Variants in DMD observed in about 807,000 individuals in gnomAD.
DMD encodes the protein dystrophin.
DMD carries 63 observed loss-of-function variants against 330.1 expected under a neutral mutation model. That is an observed-to-expected ratio of 0.19 (90% CI 0.16 to 0.24). The LOEUF (loss-of-function observed/expected upper bound fraction) is 0.24. Ranked by LOEUF, DMD falls within the 10% of genes least tolerant of loss-of-function variation. DMD has a pLI of 1.00. For missense variants in DMD, 3,344 were observed against 2,684.1 expected (o/e 1.25, Z -5.43); for synonymous variants, 1,223 against 959.8 (o/e 1.27, Z -5.07).
At chrX:32,444,135 G>A (rs369176209) in intron 27 of DMD, among the ~76,000 whole-genome samples, 7 of 110,635 alleles carry the variant, frequency 6.3e-5, no homozygotes, top group African/African-American at 2.3e-4. Flanking sequence ...CCAGGGAAAT[G>A]GGAAAGAATG....
At chrX:32,523,835 T>C (rs2046669544) in intron 17 of DMD, among the ~76,000 whole-genome samples, 1 of 111,827 alleles carries the variant, frequency 8.9e-6, no homozygotes, top group Admixed American at 9.5e-5. Flanking sequence ...CATGTTGATG[T>C]AACTGTTATA....
chrX:32,863,782 C>T (rs1479582994), intron 2 of DMD, among the ~76,000 whole-genome samples: 1 of 111,367 alleles, frequency 9.0e-6, no homozygotes, highest in South Asian at 3.7e-4. Flanking sequence ...TCTCAATTAC[C>T]CTACGGTGCA....
At chrX:31,786,538 C>T (rs779708050) in intron 50 of DMD, among the ~76,000 whole-genome samples, 3 of 111,196 alleles carry the variant, frequency 2.7e-5, no homozygotes, top group Non-Finnish European at 3.8e-5. Context: ...ATCCTCATTG[C>T]AATATTTGTG....
intron 55 of DMD, among the ~76,000 whole-genome samples, chrX:31,545,783 C>T (rs1256433465): frequency 2.7e-5 from 3 of 111,660 alleles, no homozygotes; most frequent in Non-Finnish European, 5.6e-5. Context: ...AGGAGCTGGA[C>T]CCTCCACTAG....
intron 10 of DMD, 112 bp from the exon 11 acceptor site, chrX:32,644,425 C>A: frequency 1.2e-6 from 1 of 802,325 alleles, no homozygotes; most frequent in African/African-American, 2.1e-5. Flanking sequence ...ATTTATATTC[C>A]CAGTAAAAGG....
chrX:32,796,332 G>A (rs548748933), intron 7 of DMD, among the ~76,000 whole-genome samples: 8 of 111,436 alleles, frequency 7.2e-5, no homozygotes, highest in African/African-American at 2.6e-4. Context: ...GAATGAAACT[G>A]CAGGTTATTA....
chrX:32,407,286 G>T lies in DMD; in HGVS notation c.4233+4466C>A, dbSNP rs775293050. The stretch of plus-strand genomic sequence containing the variant: ...ACTCAAACAAATGTACAAGAAAAAA[G>T]CAAACAACCCCATCAACAAGTGGGT... On this transcript the variant is annotated intron_variant, in intron 30 of 78. Coordinates refer to ENST00000357033, the MANE Select transcript of DMD (RefSeq NM_004006.3). Among the ~76,000 whole-genome samples, 562 of 111,109 alleles carry T rather than the reference G, an allele frequency of 5.1e-3. 5 individuals carry two copies. Among genetic ancestry groups the T allele is most frequent in the African/African-American group, 0.018 (546 of 30,601 alleles).
intron 37 of DMD, among the ~76,000 whole-genome samples, chrX:32,361,560 G>A (rs775711201): frequency 3.6e-5 from 4 of 111,529 alleles, no homozygotes; most frequent in African/African-American, 1.3e-4. Context: ...GAATTTTGAA[G>A]GGTAACTGTG....
At chrX:32,721,066 T>TTGTGTG (rs113205688) in intron 7 of DMD, among the ~76,000 whole-genome samples, 4 of 108,815 alleles carry the variant, frequency 3.7e-5, no homozygotes, top group South Asian at 3.8e-4. Flanking sequence ...GGCTGAATAT[T>TTGTGTG]TGTGTGTGTG....
chrX:31,665,026 A>G (rs1253946666), intron 53 of DMD, among the ~76,000 whole-genome samples: 1 of 111,599 alleles, frequency 9.0e-6, no homozygotes, highest in Admixed American at 9.6e-5. Context: ...AATTGTCCAC[A>G]TGAGAATATA....
intron 2 of DMD, among the ~76,000 whole-genome samples, chrX:32,997,751 G>T (rs2093163357): frequency 9.0e-6 from 1 of 111,715 alleles, no homozygotes. Context: ...GACAAAGTTT[G>T]ATCACCAATG....
intron 2 of DMD, among the ~76,000 whole-genome samples, chrX:32,961,452 G>T (rs1193297685): frequency 9.1e-6 from 1 of 110,130 alleles, no homozygotes; most frequent in Non-Finnish European, 1.9e-5. Flanking sequence ...TTCTAATAAG[G>T]CAGAGCCTTT....
At position 32,501,735 on chromosome X, in the gene DMD, A is replaced by G; in HGVS notation, c.2380+20T>C. ...TATCAAATCCCTAAGAAGATTATCT[A>G]AATCAACTCGTGTAATTACCATTCA... On this transcript the variant is annotated intron_variant, in intron 19 of 78. Transcript: ENST00000357033. The G allele has an allele frequency of 8.7e-7, 1 of 1,150,859 alleles. No individual in the cohort carries two copies. The highest frequency in any genetic ancestry group is 1.2e-6 in the Non-Finnish European group (1 of 841,633). The allele number at this position is 1,150,859 out of a possible 1,213,427, so 94.8% of individuals were successfully genotyped here.
At position 31,121,373 on chromosome X, in the gene DMD, T is replaced by TTCATATGGATATCACGC. The variant is rs1446047848; in HGVS notation, c.*529_*545dup. On this transcript the variant is annotated 3_prime_UTR_variant, in exon 79 of 79. Transcript: ENST00000357033. Reference sequence around the variant, plus strand: ...TGCAAAAAAAGAAAAAGCCATGAATTTCATATGGATATCACGCCAAAAGGA... The same window carrying TTCATATGGATATCACGC: ...TGCAAAAAAAGAAAAAGCCATGAATTTCATATGGATATCACGCTCATATGGATATCACGCCAAAAGGA... The TTCATATGGATATCACGC allele has an allele frequency of 1.7e-5, 2 of 117,477 alleles. No homozygotes were observed. The highest frequency in any genetic ancestry group is 9.0e-5 in the Admixed American group (1 of 11,050). The allele number at this position is 117,477 out of a possible 1,213,427, so 9.7% of individuals were successfully genotyped here.
chrX:32,779,862 T>TA (rs1226260071), intron 7 of DMD, among the ~76,000 whole-genome samples: 6 of 110,887 alleles, frequency 5.4e-5, no homozygotes, highest in Non-Finnish European at 9.4e-5. Flanking sequence ...AAAAGTATAA[T>TA]AAAAAAATCA....
chrX:32,682,398 A>G (rs2062493478), intron 9 of DMD, among the ~76,000 whole-genome samples: 1 of 111,505 alleles, frequency 9.0e-6, no homozygotes, highest in South Asian at 3.8e-4. Flanking sequence ...TGCCTTTTAC[A>G]ACCAGTCTCA....
intron 67 of DMD, among the ~76,000 whole-genome samples, chrX:31,196,869 T>G (rs1053515660): frequency 5.1e-5 from 4 of 78,579 alleles, no homozygotes; most frequent in Non-Finnish European, 9.6e-5. Flanking sequence ...AAAAAAAAAG[T>G]AATCAGTTGA....
At chrX:31,499,489 C>CTTTTTTTTT (rs774151183) in intron 56 of DMD, among the ~76,000 whole-genome samples, 5 of 83,659 alleles carry the variant, frequency 6.0e-5, no homozygotes, top group African/African-American at 9.1e-5. Context: ...GAATTCAGTT[C>CTTTTTTTTT]TTTTTTTTTT....
intron 30 of DMD, among the ~76,000 whole-genome samples, chrX:32,407,580 C>G (rs927702125): frequency 3.6e-5 from 4 of 110,769 alleles, no homozygotes; most frequent in African/African-American, 1.3e-4. Flanking sequence ...CCTCAGGGAT[C>G]TAGAACTAGA....
Sources: gnomAD v4.1 joint callset for allele counts (sites outside exome capture counted in the v4.1 genomes callset) on GRCh38, gnomAD v4.1.1 for gene constraint, MANE v1.5 for transcripts, NCBI Gene and HGNC (gene_info 2026-07-23, HGNC 2026-07-21) for gene names.